VPS13C: variants seen among roughly 807,000 people sequenced by gnomAD.
VPS13C encodes intermembrane lipid transfer protein VPS13C.
In VPS13C, 358 loss-of-function variants were observed where a neutral mutation model predicts 456.8. The ratio of observed to expected loss-of-function variants is 0.78; its 90% CI spans 0.72 to 0.86. The LOEUF (loss-of-function observed/expected upper bound fraction) is 0.86. Among genes scored for constraint, VPS13C ranks in the 40% least tolerant of loss-of-function variants. The pLI is 0.00. For missense variants in VPS13C, 4,818 were observed against 4,385.4 expected, an observed-to-expected ratio of 1.10 and a Z score of -2.79; for synonymous variants, 1,578 against 1,486.7, an observed-to-expected ratio of 1.06 and a Z score of -1.41.
chr15:62,041,543 T>C (rs547856492), intron 2 of VPS13C, among the ~76,000 whole-genome samples, 177 bp from the exon 3 acceptor site: 44 of 152,206 alleles, frequency 2.9e-4, no homozygotes, highest in Middle Eastern at 6.8e-3. Context: ...ATAGGCCTGG[T>C]GCAGTGGCTC....
At chr15:62,043,404 C>A (rs1050449837) in intron 2 of VPS13C, among the ~76,000 whole-genome samples, 8 of 152,096 alleles carry the variant, frequency 5.3e-5, no homozygotes, top group African/African-American at 1.9e-4. Context: ...TCAGGAGTTG[C>A]AGACCAGCCT....
intron 45 of VPS13C, among the ~76,000 whole-genome samples, chr15:61,943,798 A>G (rs2044512443): frequency 6.6e-6 from 1 of 152,150 alleles, no homozygotes; most frequent in African/African-American, 2.4e-5. Context: ...GTGAGACCTA[A>G]TTAAAGAGCT....
chr15:61,870,392 C>T (rs12708468), intron 79 of VPS13C, among the ~76,000 whole-genome samples: 81,250 of 151,914 alleles, frequency 0.53, 22,037 homozygotes, highest in Admixed American at 0.62. Flanking sequence ...ATGTGGTGTA[C>T]TGTGACTTTT....
At position 61,878,616 on chromosome 15, in the gene VPS13C, A is replaced by AG; in HGVS notation, c.10132dup (p.Leu3378ProfsTer9). 6.2e-7 allele frequency: 1 copy of AG among 1,608,360 alleles called. No homozygotes were observed. Among genetic ancestry groups the AG allele is most frequent in the Admixed American group, 1.7e-5 (1 of 59,170 alleles). On this transcript the variant is annotated frameshift_variant, in exon 74 of 85. Coordinates refer to ENST00000644861, the MANE Select transcript of VPS13C (RefSeq NM_020821.3). LOFTEE classifies it high-confidence loss of function. ...CTAACAGAAGTCTTACTTGAATATAAGGTCATCCACATCAGTCAGAGTAGC... is the reference window on the plus strand; with the variant it reads ...CTAACAGAAGTCTTACTTGAATATAAGGGTCATCCACATCAGTCAGAGTAGC...
At chr15:62,035,402 A>T (rs1169032630) in intron 3 of VPS13C, among the ~76,000 whole-genome samples, 1 of 152,030 alleles carries the variant, frequency 6.6e-6, no homozygotes, top group Non-Finnish European at 1.5e-5. Flanking sequence ...AAGTCTATCT[A>T]GTGAGTTAAG....
At chr15:61,859,832 G>A (rs1018812866) in intron 82 of VPS13C, among the ~76,000 whole-genome samples, 2 of 151,572 alleles carry the variant, frequency 1.3e-5, no homozygotes, top group Non-Finnish European at 2.9e-5. Context: ...GTCATATGTT[G>A]ATGGTTTTTT....
intron 8 of VPS13C, among the ~76,000 whole-genome samples, chr15:62,022,202 G>A (rs939304496): frequency 6.6e-6 from 1 of 151,758 alleles, no homozygotes; most frequent in African/African-American, 2.4e-5. Context: ...GTGGATGTCT[G>A]CAAACACAAA....
chr15:62,017,367 A>C (rs1341915881), intron 9 of VPS13C, among the ~76,000 whole-genome samples: 2 of 152,230 alleles, frequency 1.3e-5, no homozygotes, highest in East Asian at 3.9e-4. Context: ...GCCCATGCCT[A>C]TGTCCTGAAT....
intron 25 of VPS13C, among the ~76,000 whole-genome samples, 162 bp downstream of exon 25, chr15:61,974,124 TCC>T (rs1351752561): frequency 6.6e-6 from 1 of 152,150 alleles, no homozygotes; most frequent in African/African-American, 2.4e-5. Context: ...TTAGTTTTTT[TCC>T]CCTCTAGCTT....
At chr15:61,945,073 T>C (rs963816575) in intron 45 of VPS13C, among the ~76,000 whole-genome samples, 1 of 152,178 alleles carries the variant, frequency 6.6e-6, no homozygotes, top group Non-Finnish European at 1.5e-5. Context: ...GATGGTTTTA[T>C]AAGAGGCTCT....
chr15:62,002,045 G>A (rs1050079482), intron 15 of VPS13C, among the ~76,000 whole-genome samples: 3 of 152,128 alleles, frequency 2.0e-5, no homozygotes, highest in Non-Finnish European at 4.4e-5. Context: ...GTAATGAGAT[G>A]GCTGGGTCAA....
chr15:61,887,676 G>C (rs1377042637), intron 67 of VPS13C, among the ~76,000 whole-genome samples: 3 of 152,066 alleles, frequency 2.0e-5, no homozygotes, highest in Non-Finnish European at 4.4e-5. Flanking sequence ...GGGCAACAGA[G>C]TGACACTCTG....
chr15:61,923,512 AT>A (rs1439634536), intron 53 of VPS13C, among the ~76,000 whole-genome samples: 1 of 151,872 alleles, frequency 6.6e-6, no homozygotes, highest in East Asian at 1.9e-4. Context: ...ACTTCCCATA[AT>A]TTTTTTATCC....
At chr15:61,950,267 G>A (rs968049213) in intron 41 of VPS13C, 91 bp downstream of exon 41, 144 of 916,442 alleles carry the variant, frequency 1.6e-4, no homozygotes, top group East Asian at 4.8e-4. Context: ...TTATTCTCAC[G>A]TTAGAACTTA....
intron 62 of VPS13C, 122 bp downstream of exon 62, chr15:61,913,189 C>T: frequency 1.2e-6 from 1 of 850,946 alleles, no homozygotes; most frequent in Admixed American, 2.0e-5. Context: ...GGGTATATAC[C>T]CAAAGGACTA....
At chr15:61,899,863 A>G (rs997765614) in intron 66 of VPS13C, among the ~76,000 whole-genome samples, 89 of 150,524 alleles carry the variant, frequency 5.9e-4, no homozygotes, top group Non-Finnish European at 1.1e-3. Context: ...AAAATCCTGA[A>G]TAAAATACTG....
chr15:61,883,278 C>A (rs1172264168), intron 68 of VPS13C, among the ~76,000 whole-genome samples: 1 of 150,848 alleles, frequency 6.6e-6, no homozygotes, highest in East Asian at 2.0e-4. Flanking sequence ...CTCAAGTGAT[C>A]CTCCTGCCTC....
At position 61,929,465 on chromosome 15, in the gene VPS13C, A is replaced by C. The variant is rs764914806; in HGVS notation, c.6286+36T>G. 6 of 1,572,654 alleles carry C rather than the reference A, an allele frequency of 3.8e-6. 1 individual carries two copies. The South Asian group carries it at 4.7e-5, about 12-fold the overall frequency. On this transcript the variant is annotated intron_variant, in intron 51 of 84. Transcript: ENST00000644861. The stretch of plus-strand genomic sequence containing the variant: ...TGGTTTGTAATTCTTGTCAAAATAT[A>C]CAAGTTGTCATCTATGACAGATAAA...
chr15:61,920,547 T>C lies in VPS13C; in HGVS notation c.7163A>G (p.Asn2388Ser). 6.3e-7 allele frequency: 1 copy of C among 1,579,120 alleles called. No homozygotes were observed. The highest frequency in any genetic ancestry group is 1.2e-5 in the South Asian group (1 of 83,708). Residue 2388 changes from asparagine to serine, a missense_variant, in exon 56 of 85, where the codon AAT becomes AGT. This residue lies in a region of VPS13C where 4,552 missense variants were observed against 4,130.6 expected (regional missense o/e 1.10). Transcript: ENST00000644861. Reference sequence around the variant, plus strand: ...AAGACAACTTTTGGATATTGTTATATTCATTGTATTTCCTGAAGAAATATG... The same window carrying C: ...AAGACAACTTTTGGATATTGTTATACTCATTGTATTTCCTGAAGAAATATG... ...AIHISSGNTM[N>S]ITISKSCLNV... is the part of the protein sequence containing the mutation.
Sources: allele counts gnomAD v4.1 joint callset (sites outside exome capture counted in the v4.1 genomes callset), GRCh38; gene constraint gnomAD v4.1.1; regional missense constraint gnomAD v4.1.1; transcripts MANE v1.5; gene names NCBI Gene and HGNC (gene_info 2026-07-23, HGNC 2026-07-21).